NSUN6: variants seen among roughly 807,000 people sequenced by gnomAD.
The protein encoded by NSUN6 is NOP2/Sun RNA methyltransferase 6, also known as tRNA (cytosine(72)-C(5))-methyltransferase NSUN6.
NSUN6 carries 64 observed loss-of-function variants against 58.0 expected under a neutral mutation model. The ratio of observed to expected loss-of-function variants is 1.10; its 90% CI spans 0.90 to 1.36. The LOEUF (loss-of-function observed/expected upper bound fraction) is 1.36, where lower values mean the gene tolerates loss of function less well. NSUN6 is among the 40% of genes most tolerant of loss of function. The pLI, the probability that NSUN6 is intolerant of heterozygous loss-of-function variation, is 0.00. For synonymous variants in NSUN6, 231 were observed against 193.9 expected (o/e 1.19, Z -1.59); for missense variants, 701 against 550.1 (o/e 1.27, Z -2.74).
In NSUN6 at chr10:18,651,503, A is replaced by C; in HGVS notation, c.-300T>G. 9.3e-7 allele frequency: 1 copy of C among 1,070,460 alleles called. No homozygotes were observed. Among genetic ancestry groups the C allele is most frequent in the Non-Finnish European group, 1.1e-6 (1 of 885,912 alleles). 66.3% of individuals were successfully genotyped at this position (1,070,460 alleles called of 1,614,324 possible). Reference sequence around the variant, plus strand: ...TGCAAAGAACCAAAAAAAGAAAAAAATGCTTAGTAACTGAATCCGTGGTGA... The same window carrying C: ...TGCAAAGAACCAAAAAAAGAAAAAACTGCTTAGTAACTGAATCCGTGGTGA... On this transcript the variant is annotated 5_prime_UTR_variant, in exon 1 of 11. Coordinates refer to ENST00000377304, the MANE Select transcript of NSUN6 (RefSeq NM_182543.5).
intron 6 of NSUN6, among the ~76,000 whole-genome samples, chr10:18,609,047 A>G (rs1223263849): frequency 1.3e-5 from 2 of 152,124 alleles, no homozygotes; most frequent in South Asian, 2.1e-4. Flanking sequence ...GGTGGCTCAC[A>G]CCTATAATTC....
At chr10:18,644,264 C>G (rs1189991046) in intron 2 of NSUN6, among the ~76,000 whole-genome samples, 1 of 152,150 alleles carries the variant, frequency 6.6e-6, no homozygotes. Context: ...CATCCCTAGT[C>G]TAAAAATCTG....
At chr10:18,572,818 CCTCCATTCCATT>C (rs767137652) in intron 8 of NSUN6, among the ~76,000 whole-genome samples, 36 of 148,116 alleles carry the variant, frequency 2.4e-4, no homozygotes, top group Admixed American at 4.7e-4. Context: ...TCCCTTCCAT[CCTCCATTCCATT>C]CTCCATTCCA....
intron 7 of NSUN6, 85 bp from the exon 8 acceptor site, chr10:18,586,178 A>T: frequency 9.1e-7 from 1 of 1,094,130 alleles, no homozygotes; most frequent in Non-Finnish European, 1.3e-6. Flanking sequence ...TGAGAAAAAC[A>T]TGAAAAATTA....
intron 3 of NSUN6, among the ~76,000 whole-genome samples, chr10:18,636,179 A>AGG (rs1242523048): frequency 6.6e-6 from 1 of 152,042 alleles, no homozygotes; most frequent in Admixed American, 6.6e-5. Context: ...AGTACATAAG[A>AGG]GGTAACCTTC....
chr10:18,648,118 A>G (rs901256191), intron 2 of NSUN6, among the ~76,000 whole-genome samples: 76 of 152,244 alleles, frequency 5.0e-4, no homozygotes, highest in African/African-American at 1.8e-3. Context: ...TGGGCTTATT[A>G]TCTCAGCTAT....
intron 8 of NSUN6, among the ~76,000 whole-genome samples, chr10:18,554,619 G>A (rs554988031): frequency 3.7e-4 from 56 of 151,110 alleles, no homozygotes; most frequent in Non-Finnish European, 6.7e-4. Flanking sequence ...AAAAAGGACT[G>A]GAGAATGGAA....
At chr10:18,617,192 T>G (rs906535294) in intron 3 of NSUN6, among the ~76,000 whole-genome samples, 2 of 151,138 alleles carry the variant, frequency 1.3e-5, no homozygotes, top group Non-Finnish European at 3.0e-5. Flanking sequence ...CTAGTTTTTT[T>G]TTTTTTTTTT....
At chr10:18,644,621 G>C (rs2059487243) in intron 2 of NSUN6, among the ~76,000 whole-genome samples, 2 of 151,834 alleles carry the variant, frequency 1.3e-5, no homozygotes, top group Admixed American at 6.6e-5. Context: ...TGGATCACGA[G>C]GTCAGGAGAT....
chr10:18,555,454 T>C (rs1320197173), intron 8 of NSUN6, among the ~76,000 whole-genome samples: 2 of 144,388 alleles, frequency 1.4e-5, no homozygotes, highest in Non-Finnish European at 3.0e-5. Context: ...CAGAGTGGAA[T>C]AGAGAATGGG....
chr10:18,583,958 T>C (rs1165575506), intron 8 of NSUN6, among the ~76,000 whole-genome samples: 1 of 152,202 alleles, frequency 6.6e-6, no homozygotes, highest in Non-Finnish European at 1.5e-5. Flanking sequence ...ATTTAATCTT[T>C]TACACACTTT....
At chr10:18,610,013 T>C in intron 5 of NSUN6, 87 bp from the exon 6 acceptor site, 1 of 802,350 alleles carries the variant, frequency 1.2e-6, no homozygotes. Context: ...CAATAGCCTG[T>C]CAAACATAAG....
rs2055971624 is a variant in NSUN6 at position 18,566,584 on chromosome 10, CTCTCCATTCCATTCCAT to C, written c.923-14630_923-14614del. Among the ~76,000 whole-genome samples the C allele has an allele frequency of 2.7e-5, 4 of 148,498 alleles. No individual in the cohort carries two copies. The South Asian group carries it at 8.5e-4, about 32-fold the overall frequency. ...TTCCATTCCATTCTATTGCATTCTA[CTCTCCATTCCATTCCAT>C]TCTCCAGTCCCTTCCATTCTCCATT... On this transcript the variant is annotated intron_variant, in intron 8 of 10. Coordinates refer to ENST00000377304, the MANE Select transcript of NSUN6 (RefSeq NM_182543.5).
intron 8 of NSUN6, among the ~76,000 whole-genome samples, chr10:18,566,408 T>C (rs1029705182): frequency 6.6e-6 from 1 of 150,476 alleles, no homozygotes; most frequent in Non-Finnish European, 1.5e-5. Flanking sequence ...TTCTTCTTCA[T>C]TCTATTCCAT....
At chr10:18,589,268 T>A (rs764106484) in intron 7 of NSUN6, among the ~76,000 whole-genome samples, 22 of 152,132 alleles carry the variant, frequency 1.4e-4, no homozygotes, top group Admixed American at 3.9e-4. Context: ...TATGCGACTA[T>A]GTGAAAAGAC....
chr10:18,556,133 T>C (rs936770463), intron 8 of NSUN6, among the ~76,000 whole-genome samples: 9 of 124,564 alleles, frequency 7.2e-5, no homozygotes, highest in African/African-American at 2.8e-4. Flanking sequence ...GGGATGGACA[T>C]GAATGGAGAA....
chr10:18,560,060 T>C (rs577348158), intron 8 of NSUN6, among the ~76,000 whole-genome samples: 170 of 90,476 alleles, frequency 1.9e-3, no homozygotes, highest in African/African-American at 7.5e-3. Flanking sequence ...TGGAATGAAA[T>C]GGAAAATGGA....
chr10:18,556,516 AGAATG>A (rs1018325970), intron 8 of NSUN6, among the ~76,000 whole-genome samples: 6 of 150,898 alleles, frequency 4.0e-5, no homozygotes, highest in Non-Finnish European at 8.9e-5. Flanking sequence ...AATGGAACGG[AGAATG>A]GAATGGAATG....
chr10:18,604,296 T>C (rs960288936), intron 6 of NSUN6, among the ~76,000 whole-genome samples: 12 of 152,118 alleles, frequency 7.9e-5, no homozygotes, highest in African/African-American at 2.9e-4. Context: ...ACTTCAAGGA[T>C]CTAAGCAAGT....
Sources: gnomAD v4.1 joint callset for allele counts (sites outside exome capture counted in the v4.1 genomes callset) on GRCh38, gnomAD v4.1.1 for gene constraint, MANE v1.5 for transcripts, NCBI Gene and HGNC (gene_info 2026-07-23, HGNC 2026-07-21) for gene names.